PDLIM2: variants seen among roughly 807,000 people sequenced by gnomAD.
PDLIM2 encodes the protein PDZ and LIM domain protein 2.
In PDLIM2, 51 loss-of-function variants were observed where a neutral mutation model predicts 54.1. That is an observed-to-expected ratio of 0.94 (90% CI 0.75 to 1.19). The LOEUF (loss-of-function observed/expected upper bound fraction) is 1.19, where lower values mean the gene tolerates loss of function less well. Ranked by LOEUF, PDLIM2 falls within the 50% of genes most tolerant of loss-of-function variation. The probability of loss-of-function intolerance (pLI) is 0.00; values close to 1 mark genes in which losing one functional copy is unlikely to be tolerated. For synonymous variants in PDLIM2, 398 were observed against 385.6 expected (o/e 1.03, Z -0.38); for missense variants, 912 against 874.0 (o/e 1.04, Z -0.55).
chr8:22,580,033 A>G (rs948958618), intron 1 of PDLIM2: 1 of 168,810 alleles, frequency 5.9e-6, no homozygotes, highest in Admixed American at 5.7e-5. Context: ...GCCCATGTGA[A>G]GACTCGGCCT....
At position 22,582,914 on chromosome 8, in the gene PDLIM2, C is replaced by CG. The variant is rs1294974170; in HGVS notation, c.995+1384_995+1385insG. ...CTTTTGCTGACGTGATGCCCACCCC[C>CG]CCCCCCGCCCCCATCTCCCGCCTCC... On this transcript the variant is annotated intron_variant, in intron 3 of 9. Transcript: ENST00000308354. Among the ~76,000 whole-genome samples the CG allele has an allele frequency of 7.1e-4, 77 of 108,520 alleles. 2 individuals carry two copies. The highest frequency in any genetic ancestry group is 7.0e-3 in the Admixed American group (74 of 10,576). The allele number at this position is 108,520 out of a possible 152,430, so 71.2% of individuals were successfully genotyped here.
rs746836769 is a variant in PDLIM2, at chr8:22,591,656, G to C, written c.1619G>C (p.Ser540Thr). Residue 540 changes from serine (S) to threonine (T), a missense_variant, in exon 9 of 10, where the codon AGT becomes ACT. Coordinates refer to ENST00000308354, the Ensembl canonical transcript of PDLIM2. ...AAGCTCCACACTTGTGAGAAGTGCAGTACCAGCATCGCGTGAGTGTGGAGG... is the reference window on the plus strand; with the variant it reads ...AAGCTCCACACTTGTGAGAAGTGCACTACCAGCATCGCGTGAGTGTGGAGG... The C allele has an allele frequency of 2.5e-6, 4 of 1,611,698 alleles. No individual in the cohort carries two copies. The African/African-American group carries it at 5.3e-5, about 22-fold the overall frequency.
downstream of PDLIM2, chr8:22,596,278 C>T (rs1427854657): frequency 6.6e-6 from 1 of 152,240 alleles, no homozygotes; most frequent in Non-Finnish European, 1.5e-5. Context: ...TCCAGTGAGG[C>T]ATCGAATGCC....
At chr8:22,589,401 T>A in intron 7 of PDLIM2, 27 bp downstream of exon 6, 1 of 1,535,540 alleles carries the variant, frequency 6.5e-7, no homozygotes, top group Non-Finnish European at 8.7e-7. Flanking sequence ...GAGGGTCGGG[T>A]TGGGGTCTTG....
At chr8:22,588,991 G>A (rs555680233) in intron 6 of PDLIM2, 3 of 534,686 alleles carry the variant, frequency 5.6e-6, no homozygotes, top group Non-Finnish European at 1.0e-5. Flanking sequence ...AGAGGACTCT[G>A]TGCTTAGCTG....
At chr8:22,582,579 T>G (rs1041407535) in intron 3 of PDLIM2, among the ~76,000 whole-genome samples, 1 of 99,538 alleles carries the variant, frequency 1.0e-5, no homozygotes, top group Admixed American at 9.5e-5. Context: ...AGTCTCTTAA[T>G]TTTTTTTTTT....
intron 3 of PDLIM2, among the ~76,000 whole-genome samples, chr8:22,582,912 C>CG (rs1420539629): frequency 1.0e-5 from 1 of 99,160 alleles, no homozygotes; most frequent in Non-Finnish European, 2.0e-5. Context: ...GATGCCCACC[C>CG]CCCCCCCCGC....
intron 1 of PDLIM2, 59 bp from the exon 1 acceptor site, chr8:22,580,416 G>A: frequency 7.3e-7 from 1 of 1,374,442 alleles, no homozygotes; most frequent in African/African-American, 1.5e-5. Context: ...CCCAGGGTGG[G>A]GGGAAGTGAA....
At chr8:22,580,504 G>A in intron 1 of PDLIM2, 2 of 1,593,706 alleles carry the variant, frequency 1.3e-6, no homozygotes, top group Admixed American at 1.8e-5. Flanking sequence ...GAGCTGTGGT[G>A]CCCTCTCCTT....
At chr8:22,579,015 G>C in exon 1 of PDLIM2, 1 of 1,243,866 alleles carries the variant, frequency 8.0e-7, no homozygotes, top group Non-Finnish European at 1.0e-6. Flanking sequence ...CCAGGTGGCA[G>C]CGCCTGGGCT....
At position 22,579,443 on chromosome 8, in the gene PDLIM2, G is replaced by A; in HGVS notation, c.664G>A (p.Gly222Ser). Residue 222 changes from glycine to serine, a missense_variant, in exon 1 of 10, where the codon GGC becomes AGC. Physicochemically the swap from Gly to Ser is moderately conservative, Grantham distance 56. Transcript: ENST00000308354. ...GGTACTTTGCCCTCGGAGCGAAGGA[G>A]GCTCCAGAACTGGTAGAGCCGGGCC... 5 of 1,517,972 alleles carry A rather than the reference G, an allele frequency of 3.3e-6. No individual in the cohort carries two copies. The South Asian group carries it at 6.0e-5, about 18-fold the overall frequency. The allele number at this position is 1,517,972 out of a possible 1,614,324, so 94.0% of individuals were successfully genotyped here.
At chr8:22,579,456 G>A in exon 1 of PDLIM2, 2 of 1,519,272 alleles carry the variant, frequency 1.3e-6, no homozygotes, top group Non-Finnish European at 1.8e-6. Flanking sequence ...TCCAGAACTG[G>A]TAGAGCCGGG....
rs921825862 is a variant in PDLIM2 at position 22,585,311 on chromosome 8, C to G, written c.1212-10C>G. On this transcript the variant is annotated splice_polypyrimidine_tract_variant and intron_variant, in intron 5 of 9. Transcript: ENST00000308354. ...GGCCCTGGCACACACTGTCCCTTTC[C>G]CACTTTCAGCTTCCAGAGTCTGGCA... 3 of 1,612,822 alleles carry G rather than the reference C, an allele frequency of 1.9e-6. No homozygotes were observed. Among genetic ancestry groups the G allele is most frequent in the Non-Finnish European group, 2.5e-6 (3 of 1,179,844 alleles).
downstream of PDLIM2, chr8:22,594,686 G>C (rs1190266278): frequency 3.2e-6 from 5 of 1,586,872 alleles, no homozygotes; most frequent in South Asian, 4.6e-5. Flanking sequence ...CGCCCACCAA[G>C]GGTTGGGCCC....
At chr8:22,594,899 C>A, downstream of PDLIM2, 1 of 423,218 alleles carries the variant, frequency 2.4e-6, no homozygotes, top group Non-Finnish European at 4.2e-6. Context: ...GCATTCCAGC[C>A]TGGGAGAGAG....
intron 6 of PDLIM2, among the ~76,000 whole-genome samples, chr8:22,587,117 G>C (rs1800401781): frequency 6.6e-6 from 1 of 152,164 alleles, no homozygotes; most frequent in Non-Finnish European, 1.5e-5. Flanking sequence ...CTGGGCTCTG[G>C]GGATGCAATC....
chr8:22,580,358 G>A (rs1482336), intron 1 of PDLIM2, 117 bp from the exon 1 acceptor site: 84,535 of 933,270 alleles, frequency 0.091, 4,263 homozygotes, highest in Non-Finnish European at 0.1. Context: ...CCTGGGAGTC[G>A]CTCCCTGGGC....
chr8:22,585,123 C>G, exon 5 of PDLIM2: 1 of 1,613,788 alleles, frequency 6.2e-7, no homozygotes, highest in South Asian at 1.1e-5. Flanking sequence ...CCACCACCCT[C>G]TAGCAGCTCC....
At position 22,589,487 on chromosome 8, in the gene PDLIM2, A is replaced by ACCTCCCAGATTCCTCCC. The variant is rs769074319; in HGVS notation, c.1368-102_1368-86dup. 198 of 1,521,006 alleles carry ACCTCCCAGATTCCTCCC rather than the reference A, an allele frequency of 1.3e-4. 1 individual carries two copies. The highest frequency in any genetic ancestry group is 1.6e-4 in the Non-Finnish European group (182 of 1,125,692). The allele number at this position is 1,521,006 out of a possible 1,614,324, so 94.2% of individuals were successfully genotyped here. ...TCCCCCAAGCCCAGTTGGCTCCTCC[A>ACCTCCCAGATTCCTCCC]CCTCCCAGATTCCTCCCCCTCCCCC... On this transcript the variant is annotated intron_variant, in intron 7 of 9. Coordinates refer to ENST00000308354, the Ensembl canonical transcript of PDLIM2.
Sources: gnomAD v4.1 joint callset for allele counts (sites outside exome capture counted in the v4.1 genomes callset) on GRCh38, gnomAD v4.1.1 for gene constraint, MANE v1.5 for transcripts, NCBI Gene and HGNC (gene_info 2026-07-23, HGNC 2026-07-21) for gene names.